The following INTS4 variants were observed in gnomAD, a reference collection of about 807,000 sequenced individuals.
INTS4 encodes integrator complex subunit 4.
Under a neutral mutation model 119.5 loss-of-function variants are expected in INTS4, and 70 were observed. The observed-to-expected ratio is 0.59, with a 90% CI of 0.48 to 0.71. The LOEUF (loss-of-function observed/expected upper bound fraction) is 0.71, where lower values mean the gene tolerates loss of function less well. Ranked by LOEUF, INTS4 falls within the 30% of genes least tolerant of loss-of-function variation. The probability of loss-of-function intolerance (pLI) is 0.00; values close to 1 mark genes in which losing one functional copy is unlikely to be tolerated. For synonymous variants in INTS4, 316 were observed against 419.6 expected (o/e 0.75, Z 3.02); for missense variants, 867 against 1,173.2 (o/e 0.74, Z 3.81).
chr11:77,907,794 C>G lies in INTS4; in HGVS notation c.1939G>C (p.Gly647Arg). Residue 647 changes from glycine to arginine, a missense_variant, in exon 16 of 23, where the codon GGA becomes CGA. This residue lies in a region of INTS4 where 262 missense variants were observed against 376.0 expected (regional missense o/e 0.70). Transcript: ENST00000534064. ...CCTGCCAATTCAGATTGAAGTTCTC[C>G]AAGTCTTTGCAGATCCCTATAGTAA... ...EFTIRDLQRLGELQSELAGVA... is the reference protein window; with the variant it reads ...EFTIRDLQRLRELQSELAGVA... The G allele has an allele frequency of 6.2e-7, 1 of 1,612,374 alleles. No homozygotes were observed. Among genetic ancestry groups the G allele is most frequent in the Non-Finnish European group, 8.5e-7 (1 of 1,178,642 alleles).
intron 22 of INTS4, among the ~76,000 whole-genome samples, chr11:77,880,868 C>T (rs1362002572): frequency 1.3e-5 from 2 of 151,942 alleles, no homozygotes; most frequent in East Asian, 3.9e-4. Flanking sequence ...CCACTTGAGC[C>T]CGAGAGGATC....
At chr11:77,954,405 C>A (rs556872444) in intron 8 of INTS4, among the ~76,000 whole-genome samples, 1 of 152,144 alleles carries the variant, frequency 6.6e-6, no homozygotes, top group African/African-American at 2.4e-5. Context: ...CCACCTCAGC[C>A]TCCTAAAGTG....
chr11:77,975,139 A>G (rs1172948096), intron 4 of INTS4, among the ~76,000 whole-genome samples: 4 of 151,322 alleles, frequency 2.6e-5, no homozygotes, highest in Non-Finnish European at 5.9e-5. Flanking sequence ...CTTTAAGTTT[A>G]ATGGGTGCTT....
At chr11:77,909,459 G>A (rs1953039723) in intron 15 of INTS4, among the ~76,000 whole-genome samples, 1 of 152,172 alleles carries the variant, frequency 6.6e-6, no homozygotes, top group Admixed American at 6.5e-5. Flanking sequence ...CCTTCTACAT[G>A]TATCTTCATA....
intron 7 of INTS4, among the ~76,000 whole-genome samples, chr11:77,957,634 T>C (rs1954361829): frequency 6.9e-6 from 1 of 145,694 alleles, no homozygotes; most frequent in Non-Finnish European, 1.5e-5. Context: ...TTCATATCCT[T>C]AAGTTTATTA....
At chr11:77,948,791 G>GAA (rs796627166) in intron 8 of INTS4, among the ~76,000 whole-genome samples, 1 of 118,392 alleles carries the variant, frequency 8.4e-6, no homozygotes. Flanking sequence ...CTCAAAGAAA[G>GAA]AAAAAAAAAA....
rs544026334 is a variant in INTS4, at chr11:77,924,822, C to A, written c.1442G>T (p.Gly481Val). 79 of 1,591,154 alleles carry A rather than the reference C, an allele frequency of 5.0e-5. No individual in the cohort carries two copies. The South Asian group carries it at 7.8e-4, about 16-fold the overall frequency. Residue 481 changes from glycine to valine, a missense_variant, in exon 12 of 23, where the codon GGG becomes GTG. Physicochemically the swap from Gly to Val is moderately radical, Grantham distance 109. This residue lies in a region of INTS4 where 51 missense variants were observed against 125.5 expected (regional missense o/e 0.41). Transcript: ENST00000534064. Reference protein sequence around the residue: ...LCCTNVSTKEGIHLALVELLK... With the variant: ...LCCTNVSTKEVIHLALVELLK... ...CAGCTCCACCAATGCAAGATGAATC[C>A]CTTCTTTGGTTGAAACATTAGTACA... is the stretch of plus-strand genomic sequence containing the variant.
chr11:77,915,519 C>T (rs957766446), intron 15 of INTS4, among the ~76,000 whole-genome samples: 4 of 152,176 alleles, frequency 2.6e-5, no homozygotes, highest in African/African-American at 4.8e-5. Flanking sequence ...ATTCTCCCCA[C>T]GACCTGTCCA....
At chr11:77,949,400 G>A (rs1372908866) in intron 8 of INTS4, among the ~76,000 whole-genome samples, 1 of 151,146 alleles carries the variant, frequency 6.6e-6, no homozygotes, top group African/African-American at 2.4e-5. Flanking sequence ...CTTCTGCACA[G>A]CAAAAGAAAC....
chr11:77,907,378 A>T (rs1952981979), intron 16 of INTS4, among the ~76,000 whole-genome samples: 1 of 152,126 alleles, frequency 6.6e-6, no homozygotes, highest in East Asian at 1.9e-4. Context: ...CTGGCCTTCA[A>T]ATGAGCATTT....
intron 4 of INTS4, among the ~76,000 whole-genome samples, chr11:77,964,458 C>T (rs1855396589): frequency 6.6e-6 from 1 of 151,892 alleles, no homozygotes; most frequent in African/African-American, 2.4e-5. Flanking sequence ...CCTGTAGTCC[C>T]AGCTACTCGG....
chr11:77,920,230 T>TATAC lies in INTS4; in HGVS notation c.1764+1109_1764+1110insGTAT, dbSNP rs1157839967. ...ACACACATATATATACACATATACATACATATATACATATATATACATATA... is the reference window on the plus strand; with the variant it reads ...ACACACATATATATACACATATACATATACACATATATACATATATATACATATA... On this transcript the variant is annotated intron_variant, in intron 14 of 22. Transcript: ENST00000534064. Among the ~76,000 whole-genome samples, 4 of 37,716 alleles carry TATAC rather than the reference T, an allele frequency of 1.1e-4. No homozygotes were observed. The South Asian group carries it at 1.9e-3, about 18-fold the overall frequency. The allele number at this position is 37,716 out of a possible 152,430, so 24.7% of individuals were successfully genotyped here.
chr11:77,953,125 T>TG (rs1485863201), intron 8 of INTS4, among the ~76,000 whole-genome samples: 1 of 152,212 alleles, frequency 6.6e-6, no homozygotes, highest in Non-Finnish European at 1.5e-5. Flanking sequence ...CACACAGGTT[T>TG]CAGCAAATAC....
chr11:77,932,541 CA>C (rs1451863487), intron 10 of INTS4, among the ~76,000 whole-genome samples: 1 of 152,174 alleles, frequency 6.6e-6, no homozygotes, highest in Non-Finnish European at 1.5e-5. Flanking sequence ...TTGTGGAAGA[CA>C]GTGTAACGAT....
At chr11:77,877,268 T>C (rs1951625483), downstream of INTS4, among the ~76,000 whole-genome samples, 1 of 149,662 alleles carries the variant, frequency 6.7e-6, no homozygotes, top group Admixed American at 6.7e-5. Context: ...AATTAATTAA[T>C]GTAAAGAGCT....
At chr11:77,919,298 A>AT (rs71046924) in intron 14 of INTS4, among the ~76,000 whole-genome samples, 106,731 of 149,560 alleles carry the variant, frequency 0.71, 38,103 homozygotes, top group African/African-American at 0.76. Flanking sequence ...CTGTTGTTAC[A>AT]TTTTTTTTTT....
In INTS4 at chr11:77,958,809, T is replaced by C. The variant is rs527517742; in HGVS notation, c.734A>G (p.Tyr245Cys). 6.8e-6 allele frequency: 11 copies of C among 1,609,472 alleles called. No homozygotes were observed. The South Asian group carries it at 7.7e-5, about 11-fold the overall frequency. The change falls in exon 7 of 23, where the codon TAT becomes TGT. Residue 245 changes from tyrosine (Y) to cysteine (C), a missense_variant. Physicochemically the swap from Tyr to Cys is radical, Grantham distance 194. Around this residue, in one of 5 missense-constraint regions of INTS4, gnomAD observed 208 missense variants for 306.6 expected, o/e 0.68. Transcript: ENST00000534064. ...NQACKLLSDDYEQVRSAAVQL... is the reference protein window; with the variant it reads ...NQACKLLSDDCEQVRSAAVQL... Reference sequence around the variant, plus strand: ...GACTGCAGCACTGCGCACTTGTTCATAGTCATCAGAGAGTAATTTACAGGC... The same window carrying C: ...GACTGCAGCACTGCGCACTTGTTCACAGTCATCAGAGAGTAATTTACAGGC...
chr11:77,957,829 C>T (rs1954369780), intron 7 of INTS4, among the ~76,000 whole-genome samples: 1 of 151,592 alleles, frequency 6.6e-6, no homozygotes, highest in African/African-American at 2.4e-5. Context: ...CCACCATGTC[C>T]GGCTAATTTT....
chr11:77,944,924 G>A (rs1954011712), intron 8 of INTS4, among the ~76,000 whole-genome samples: 1 of 152,108 alleles, frequency 6.6e-6, no homozygotes, highest in Non-Finnish European at 1.5e-5. Flanking sequence ...CAATCTGTAT[G>A]AAGATTTGTT....
Sources: allele counts gnomAD v4.1 joint callset (sites outside exome capture counted in the v4.1 genomes callset), GRCh38; gene constraint gnomAD v4.1.1; regional missense constraint gnomAD v4.1.1; transcripts MANE v1.5; gene names NCBI Gene and HGNC (gene_info 2026-07-23, HGNC 2026-07-21).